Variants in UBAC1 observed in about 807,000 individuals in gnomAD.
UBAC1 encodes the protein UBA domain containing 1.
UBAC1 carries 27 observed loss-of-function variants against 45.9 expected under a neutral mutation model. The ratio of observed to expected loss-of-function variants is 0.59; its 90% CI spans 0.43 to 0.81. The LOEUF is 0.81. UBAC1 is among the 30% of genes least tolerant of loss of function. The pLI is 0.00. For missense variants in UBAC1, 529 were observed against 539.2 expected, an observed-to-expected ratio of 0.98 and a Z score of 0.19; for synonymous variants, 227 against 215.5, an observed-to-expected ratio of 1.05 and a Z score of -0.47.
chr9:135,961,308 C>A lies in UBAC1; in HGVS notation c.-146G>T, dbSNP rs1206525427. ...CCCCGGCTCCCGTCGGCCGGGCCGC[C>A]GTCACTCTCCGCGGCCTCAGCGGTC... On this transcript the variant is annotated 5_prime_UTR_variant, in exon 1 of 10. Transcript: ENST00000371756. 6 of 595,028 alleles carry A rather than the reference C, an allele frequency of 1.0e-5. No homozygotes were observed. The highest frequency in any genetic ancestry group is 2.2e-6 in the Non-Finnish European group (1 of 464,146). 36.9% of individuals were successfully genotyped at this position (595,028 alleles called of 1,614,324 possible). A position where few individuals can be genotyped will look rare whatever the true frequency, so the allele number is the denominator to read the frequency against.
chr9:135,940,981 G>T (rs1839263580), intron 7 of UBAC1, among the ~76,000 whole-genome samples: 1 of 152,202 alleles, frequency 6.6e-6, no homozygotes, highest in African/African-American at 2.4e-5. Context: ...GCACCCCGCG[G>T]ACGGTGCACG....
chr9:135,943,184 C>T (rs1839289365), intron 7 of UBAC1, among the ~76,000 whole-genome samples: 2 of 152,174 alleles, frequency 1.3e-5, no homozygotes. Flanking sequence ...CTTTGGGAGG[C>T]CGAGGCGGGC....
intron 3 of UBAC1, 66 bp downstream of exon 3, chr9:135,953,614 A>G (rs1839432328): frequency 7.0e-6 from 10 of 1,422,814 alleles, no homozygotes; most frequent in Non-Finnish European, 9.8e-6. Context: ...CACTGTACCC[A>G]GCCTGTAATT....
intron 1 of UBAC1, among the ~76,000 whole-genome samples, chr9:135,959,144 G>A (rs1220126042): frequency 1.3e-5 from 2 of 152,138 alleles, no homozygotes; most frequent in Admixed American, 6.5e-5. Flanking sequence ...ACATCGCACC[G>A]AGTGAGTTAA....
rs1588538378 is a variant in UBAC1, at chr9:135,961,277, G to T, written c.-115C>A. On this transcript the variant is annotated 5_prime_UTR_variant, in exon 1 of 10. Transcript: ENST00000371756. ...CCGCGCGCTCCTTCGCTGGGCCGCC[G>T]CCCCGCCCCGGCTCCCGTCGGCCGG... 2.1e-6 allele frequency: 2 copies of T among 941,660 alleles called. No homozygotes were observed. Among genetic ancestry groups the T allele is most frequent in the East Asian group, 5.4e-5 (1 of 18,658 alleles). 58.3% of individuals were successfully genotyped at this position (941,660 alleles called of 1,614,324 possible).
chr9:135,953,959 T>C, intron 2 of UBAC1: 1 of 301,530 alleles, frequency 3.3e-6, no homozygotes, highest in Non-Finnish European at 6.2e-6. Flanking sequence ...GCCAACACGG[T>C]GAAACCCCAT....
At position 135,946,266 on chromosome 9, in the gene UBAC1, T is replaced by C. The variant is rs1839333581; in HGVS notation, c.544+3A>G. 6.2e-7 allele frequency: 1 copy of C among 1,605,640 alleles called. No homozygotes were observed. The highest frequency in any genetic ancestry group is 1.3e-5 in the African/African-American group (1 of 74,788). On this transcript the variant is annotated splice_donor_region_variant and intron_variant, in intron 5 of 9. Coordinates refer to ENST00000371756, the MANE Select transcript of UBAC1 (RefSeq NM_016172.3). ...GGAATGCAGCATCGGGGTTGACTCA[T>C]ACCATTCGCCTTCTTAAACAATTCC...
intron 9 of UBAC1, among the ~76,000 whole-genome samples, chr9:135,937,689 C>T (rs1045383438): frequency 3.3e-5 from 5 of 152,154 alleles, no homozygotes; most frequent in Admixed American, 6.5e-5. Flanking sequence ...GCCACGGCGA[C>T]GGCCACACCG....
intron 1 of UBAC1, among the ~76,000 whole-genome samples, chr9:135,956,521 C>T (rs546744318): frequency 5.5e-4 from 83 of 152,148 alleles, no homozygotes; most frequent in Admixed American, 2.4e-3. Context: ...GTGCCCAAGT[C>T]GGTCCAGAGC....
rs765295995 is a variant in UBAC1 at position 135,933,061 on chromosome 9, G to A, written c.*339C>T. ...TAACTCTGGGTTGAAACCTACCTCC[G>A]TCAAATAACAAGTGGACTCTCCAAG... On this transcript the variant is annotated 3_prime_UTR_variant, in exon 10 of 10. Transcript: ENST00000371756. 16 of 209,948 alleles carry A rather than the reference G, an allele frequency of 7.6e-5. No individual in the cohort carries two copies. The highest frequency in any genetic ancestry group is 1.5e-4 in the Non-Finnish European group (16 of 105,984). 13.0% of individuals were successfully genotyped at this position (209,948 alleles called of 1,614,324 possible).
At chr9:135,936,069 G>C (rs573452496) in intron 9 of UBAC1, among the ~76,000 whole-genome samples, 4 of 151,704 alleles carry the variant, frequency 2.6e-5, no homozygotes, top group Non-Finnish European at 5.9e-5. Context: ...AACAATGAAG[G>C]TCTTGTCTAT....
rs1839166120 is a variant in UBAC1, at chr9:135,933,310, A to T, written c.*90T>A. On this transcript the variant is annotated 3_prime_UTR_variant, in exon 10 of 10. Coordinates refer to ENST00000371756, the MANE Select transcript of UBAC1 (RefSeq NM_016172.3). ...TAACAGTCCAGGGCTGAGGCGCTGA[A>T]GGTGAGTTTCCAGGTGAGGTCCACT... The T allele has an allele frequency of 2.0e-6, 2 of 1,006,848 alleles. No individual in the cohort carries two copies. Among genetic ancestry groups the T allele is most frequent in the Admixed American group, 3.6e-5 (2 of 56,092 alleles). 62.4% of individuals were successfully genotyped at this position (1,006,848 alleles called of 1,614,324 possible).
At chr9:135,945,807 G>C in intron 6 of UBAC1, 82 bp downstream of exon 6, 1 of 1,085,872 alleles carries the variant, frequency 9.2e-7, no homozygotes. Flanking sequence ...TTTAGGGTAG[G>C]AGGACGTCAC....
intron 7 of UBAC1, among the ~76,000 whole-genome samples, chr9:135,940,118 G>A (rs1839251426): frequency 6.6e-6 from 1 of 152,166 alleles, no homozygotes; most frequent in Admixed American, 6.5e-5. Context: ...ATGACTGTGT[G>A]GATAAGACTG....
intron 3 of UBAC1, 38 bp from the exon 4 acceptor site, chr9:135,947,943 T>C (rs1332749235): frequency 6.3e-7 from 1 of 1,579,052 alleles, no homozygotes; most frequent in East Asian, 2.3e-5. Flanking sequence ...GAGGTGAACG[T>C]AAGAGCAGCA....
At chr9:135,934,453 G>A (rs538501858) in intron 9 of UBAC1, among the ~76,000 whole-genome samples, 4 of 152,234 alleles carry the variant, frequency 2.6e-5, no homozygotes, top group Non-Finnish European at 4.4e-5. Flanking sequence ...GAGGTCAGGA[G>A]ATCGAGACCA....
At position 135,961,231 on chromosome 9, in the gene UBAC1, G is replaced by T; in HGVS notation, c.-69C>A. 1 of 1,408,814 alleles carries T rather than the reference G, an allele frequency of 7.1e-7. No individual in the cohort carries two copies. The highest frequency in any genetic ancestry group is 9.2e-7 in the Non-Finnish European group (1 of 1,087,570). 87.3% of individuals were successfully genotyped at this position (1,408,814 alleles called of 1,614,324 possible). A position where few individuals can be genotyped will look rare whatever the true frequency, so the allele number is the denominator to read the frequency against. On this transcript the variant is annotated 5_prime_UTR_variant, in exon 1 of 10. Coordinates refer to ENST00000371756, the MANE Select transcript of UBAC1 (RefSeq NM_016172.3). ...GAAGGTCACCGGGAAGGCGGGCGGG[G>T]AGGGGGCGGGGCCAGACCGCCCGCG...
chr9:135,939,412 G>A (rs1001416158), intron 8 of UBAC1, among the ~76,000 whole-genome samples: 52 of 152,088 alleles, frequency 3.4e-4, no homozygotes, highest in Non-Finnish European at 5.6e-4. Flanking sequence ...GGGCGCTCAC[G>A]AGTGAGGCTC....
chr9:135,936,823 TA>T (rs1310296617), intron 9 of UBAC1, among the ~76,000 whole-genome samples: 2 of 151,904 alleles, frequency 1.3e-5, no homozygotes, highest in African/African-American at 4.8e-5. Context: ...GTTCACATCT[TA>T]AAAAAAATAC....
Sources: allele counts gnomAD v4.1 joint callset (sites outside exome capture counted in the v4.1 genomes callset), GRCh38; gene constraint gnomAD v4.1.1; transcripts MANE v1.5; gene names NCBI Gene and HGNC (gene_info 2026-07-23, HGNC 2026-07-21).